Variants in VWA3B observed in about 807,000 individuals in gnomAD.
VWA3B encodes von Willebrand factor A domain containing 3B.
In VWA3B, 138 loss-of-function variants were observed where a neutral mutation model predicts 158.3. The observed-to-expected ratio is 0.87, with a 90% CI of 0.76 to 1.00. The LOEUF is 1.00. Among genes scored for constraint, VWA3B ranks in the 50% least tolerant of loss-of-function variants. The pLI is 0.00. For synonymous variants in VWA3B, 596 were observed against 587.3 expected, an observed-to-expected ratio of 1.01 and a Z score of -0.21; for missense variants, 1,555 against 1,565.1, an observed-to-expected ratio of 0.99 and a Z score of 0.11.
intron 12 of VWA3B, among the ~76,000 whole-genome samples, chr2:98,198,774 G>A (rs1450960557): frequency 6.6e-6 from 1 of 151,936 alleles, no homozygotes; most frequent in African/African-American, 2.4e-5. Context: ...TCATACAATA[G>A]AACTTTTGGG....
At chr2:98,223,554 C>A (rs1007483120) in intron 14 of VWA3B, among the ~76,000 whole-genome samples, 1 of 151,944 alleles carries the variant, frequency 6.6e-6, no homozygotes, top group East Asian at 1.9e-4. Flanking sequence ...CATAGTTAAA[C>A]GTTTGAAAAT....
At chr2:98,157,170 G>C (rs1678157831) in intron 7 of VWA3B, among the ~76,000 whole-genome samples, 1 of 152,212 alleles carries the variant, frequency 6.6e-6, no homozygotes, top group Admixed American at 6.5e-5. Context: ...GATAGCTCAA[G>C]TTGCCCATTC....
At position 98,275,062 on chromosome 2, in the gene VWA3B, A is replaced by G. The variant is rs572893416; in HGVS notation, c.3045+4179A>G. On this transcript the variant is annotated intron_variant, in intron 22 of 27. Transcript: ENST00000477737. ...GCCACGTGTTTGTTTATTTTGCAGCACACTTCACTACCTGACATTATGTAC... is the reference window on the plus strand; with the variant it reads ...GCCACGTGTTTGTTTATTTTGCAGCGCACTTCACTACCTGACATTATGTAC... Among the ~76,000 whole-genome samples the G allele has an allele frequency of 2.8e-4, 42 of 152,266 alleles. 1 individual carries two copies. Among genetic ancestry groups the G allele is most frequent in the Admixed American group, 2.0e-3 (31 of 15,296 alleles).
chr2:98,092,023 C>T (rs1682328600), intron 1 of VWA3B, among the ~76,000 whole-genome samples: 1 of 152,160 alleles, frequency 6.6e-6, no homozygotes. Context: ...GCCTTGGGTC[C>T]AGTTGATCCC....
chr2:98,168,135 C>T (rs1679254011), intron 8 of VWA3B, among the ~76,000 whole-genome samples: 1 of 152,092 alleles, frequency 6.6e-6, no homozygotes, highest in Non-Finnish European at 1.5e-5. Flanking sequence ...AAACATCAAT[C>T]AATCAAAACT....
chr2:98,199,427 G>A (rs768022393), intron 12 of VWA3B, among the ~76,000 whole-genome samples: 12 of 152,020 alleles, frequency 7.9e-5, no homozygotes, highest in Non-Finnish European at 1.8e-4. Context: ...AAGGCTTTTG[G>A]GTCAGAGACA....
intron 17 of VWA3B, among the ~76,000 whole-genome samples, chr2:98,236,076 A>G (rs967414132): frequency 2.0e-5 from 3 of 152,200 alleles, no homozygotes; most frequent in African/African-American, 4.8e-5. Flanking sequence ...AAAGGTCAAT[A>G]TTGAACAATC....
intron 21 of VWA3B, among the ~76,000 whole-genome samples, chr2:98,264,823 T>C (rs562974250): frequency 2.0e-5 from 3 of 152,234 alleles, no homozygotes; most frequent in East Asian, 3.9e-4. Context: ...CTCCTGCTAA[T>C]ACTGGGTTGC....
intron 5 of VWA3B, among the ~76,000 whole-genome samples, chr2:98,124,722 C>T (rs1425134169): frequency 1.3e-5 from 2 of 152,134 alleles, no homozygotes; most frequent in Non-Finnish European, 2.9e-5. Flanking sequence ...ATTTTTATAC[C>T]TGGAAGCCTA....
chr2:98,187,965 A>T lies in VWA3B; in HGVS notation c.1312-10A>T. The T allele has an allele frequency of 6.3e-7, 1 of 1,597,942 alleles. No individual in the cohort carries two copies. Among genetic ancestry groups the T allele is most frequent in the Non-Finnish European group, 8.5e-7 (1 of 1,171,628 alleles). On this transcript the variant is annotated splice_polypyrimidine_tract_variant and intron_variant, in intron 9 of 27. Coordinates refer to ENST00000477737, the MANE Select transcript of VWA3B (RefSeq NM_144992.5). ...TTCTGAGTGGCTTCTGTCCTTTGTCATCTCCTTAGGAGACGAACAAGAAGA... is the reference window on the plus strand; with the variant it reads ...TTCTGAGTGGCTTCTGTCCTTTGTCTTCTCCTTAGGAGACGAACAAGAAGA...
intron 26 of VWA3B, among the ~76,000 whole-genome samples, chr2:98,310,589 C>A (rs529633451): frequency 6.6e-6 from 1 of 152,310 alleles, no homozygotes; most frequent in South Asian, 2.1e-4. Context: ...TTATTCTGCT[C>A]TGGAGAGAGG....
At chr2:98,103,960 T>C (rs1431672048) in intron 2 of VWA3B, among the ~76,000 whole-genome samples, 2 of 152,240 alleles carry the variant, frequency 1.3e-5, no homozygotes, top group Non-Finnish European at 2.9e-5. Context: ...AATTCTGATA[T>C]GTCATATTTA....
chr2:98,102,360 A>G (rs1683142471), intron 2 of VWA3B, among the ~76,000 whole-genome samples: 1 of 151,666 alleles, frequency 6.6e-6, no homozygotes, highest in Non-Finnish European at 1.5e-5. Context: ...CATCGTCATC[A>G]TGGCCTGTTC....
At chr2:98,304,951 C>T (rs1574320132) in intron 26 of VWA3B, among the ~76,000 whole-genome samples, 1 of 152,174 alleles carries the variant, frequency 6.6e-6, no homozygotes, top group Non-Finnish European at 1.5e-5. Flanking sequence ...CCCCACTCTC[C>T]TGTTCACTCC....
intron 2 of VWA3B, among the ~76,000 whole-genome samples, chr2:98,112,737 C>T (rs1458295448): frequency 4.0e-5 from 6 of 151,760 alleles, no homozygotes; most frequent in South Asian, 2.1e-4. Context: ...TCTATTTTTA[C>T]GCCCTATCTG....
intron 19 of VWA3B, chr2:98,245,312 G>A (rs573299543): frequency 7.3e-6 from 2 of 275,370 alleles, no homozygotes; most frequent in Middle Eastern, 1.3e-3. Flanking sequence ...TACAGAAGCC[G>A]GGGGTGCCAT....
intron 23 of VWA3B, among the ~76,000 whole-genome samples, chr2:98,293,470 T>C (rs888124872): frequency 2.6e-5 from 4 of 152,186 alleles, no homozygotes; most frequent in African/African-American, 9.7e-5. Flanking sequence ...TTTCCTTAAC[T>C]GGGAATAACT....
intron 15 of VWA3B, 103 bp from the exon 16 acceptor site, chr2:98,229,947 T>C (rs986258889): frequency 7.8e-7 from 1 of 1,287,870 alleles, no homozygotes; most frequent in Non-Finnish European, 1.1e-6. Context: ...TTTTTAAAGT[T>C]TGCAGTGTTC....
At chr2:98,141,500 C>T (rs1173298283) in intron 7 of VWA3B, among the ~76,000 whole-genome samples, 5 of 152,118 alleles carry the variant, frequency 3.3e-5, no homozygotes, top group African/African-American at 1.2e-4. Context: ...CATGGAAACT[C>T]ATTACCACAG....
Sources: gnomAD v4.1 joint callset for allele counts (sites outside exome capture counted in the v4.1 genomes callset) on GRCh38, gnomAD v4.1.1 for gene constraint, MANE v1.5 for transcripts, NCBI Gene and HGNC (gene_info 2026-07-23, HGNC 2026-07-21) for gene names.